HEATR5A: variants seen among roughly 807,000 people sequenced by gnomAD.
HEATR5A encodes the protein HEAT repeat containing 5A, also known as HEAT repeat-containing protein 5A.
Under a neutral mutation model 218.8 loss-of-function variants are expected in HEATR5A, and 178 were observed. The ratio of observed to expected loss-of-function variants is 0.81; its 90% confidence interval spans 0.72 to 0.92. The LOEUF (loss-of-function observed/expected upper bound fraction) is 0.92, where lower values mean the gene tolerates loss of function less well. Ranked by LOEUF, HEATR5A falls within the 40% of genes least tolerant of loss-of-function variation. The pLI is 0.00. For missense variants in HEATR5A, 2,420 were observed against 2,418.9 expected, an observed-to-expected ratio of 1.00 and a Z score of -0.01; for synonymous variants, 864 against 871.6, an observed-to-expected ratio of 0.99 and a Z score of 0.15.
At chr14:31,405,019 T>C (rs1566784473) in intron 1 of HEATR5A, among the ~76,000 whole-genome samples, 1 of 141,970 alleles carries the variant, frequency 7.0e-6, no homozygotes, top group Admixed American at 7.3e-5. Flanking sequence ...AGGCCAGGAA[T>C]TTGAGAGCAG....
chr14:31,389,336 G>A (rs1566779266), intron 6 of HEATR5A, among the ~76,000 whole-genome samples: 1 of 152,156 alleles, frequency 6.6e-6, no homozygotes, highest in Non-Finnish European at 1.5e-5. Flanking sequence ...CTCCACAAAT[G>A]AAAATGCTAT....
chr14:31,337,575 C>T lies in HEATR5A; in HGVS notation c.3268G>A (p.Val1090Ile), dbSNP rs200544620. 836 of 1,599,298 alleles carry T rather than the reference C, an allele frequency of 5.2e-4. 1 individual carries two copies. The highest frequency in any genetic ancestry group is 6.3e-4 in the Non-Finnish European group (739 of 1,172,666). The change falls in exon 22 of 36, where the codon GTA becomes ATA. Residue 1090 changes from valine (V) to isoleucine (I), a missense_variant. Val to Ile is a conservative substitution (Grantham distance 29). Transcript: ENST00000543095. Reference sequence around the variant, plus strand: ...ACAAGCTGACGTAAGCAAGCCAGTACTGCTCTTCTCAGTAACAAGTAGGGG... The same window carrying T: ...ACAAGCTGACGTAAGCAAGCCAGTATTGCTCTTCTCAGTAACAAGTAGGGG... ...CSPYLLLRRA[V>I]LACLRQLVQR...
chr14:31,351,696 C>T (rs72672649), intron 16 of HEATR5A, among the ~76,000 whole-genome samples: 2,009 of 152,106 alleles, frequency 0.013, 18 homozygotes, highest in Middle Eastern at 0.021. Context: ...ATTGCAGCCT[C>T]GACCTCCTGG....
intron 2 of HEATR5A, among the ~76,000 whole-genome samples, chr14:31,401,681 A>G (rs1218713207): frequency 1.3e-5 from 2 of 152,158 alleles, no homozygotes; most frequent in African/African-American, 4.8e-5. Flanking sequence ...ATGCATCACC[A>G]TGTCCAAATT....
At chr14:31,315,670 A>G (rs142141266) in intron 27 of HEATR5A, 100 bp downstream of exon 27, 1 of 796,648 alleles carries the variant, frequency 1.3e-6, no homozygotes, top group African/African-American at 1.7e-5. Context: ...TTAAAAATGA[A>G]CTTATTTGTA....
At position 31,304,996 on chromosome 14, in the gene HEATR5A, C is replaced by A. The variant is rs530344548; in HGVS notation, c.5148G>T (p.Thr1716=). ...KLTGSPGVKA[T]KPQILLEDGS... ...CATCTTCTAATAGTATCTGTGGCTT[C>A]GTAGCTTTTACTCCTGGGCTACCTG... Residue 1716 remains threonine, a synonymous_variant, in exon 32 of 36, where the codon ACG becomes ACT. Transcript: ENST00000543095. 9 of 1,613,928 alleles carry A rather than the reference C, an allele frequency of 5.6e-6. No homozygotes were observed. In the South Asian group the frequency reaches 6.6e-5, roughly 12 times the overall value.
intron 1 of HEATR5A, among the ~76,000 whole-genome samples, chr14:31,405,330 A>C (rs1053839304): frequency 1.3e-5 from 2 of 152,098 alleles, no homozygotes; most frequent in African/African-American, 4.8e-5. Context: ...GCTGATTGGG[A>C]GGTTGAGGCA....
intron 1 of HEATR5A, among the ~76,000 whole-genome samples, chr14:31,406,621 A>G (rs1043128976): frequency 1.3e-5 from 2 of 152,124 alleles, no homozygotes; most frequent in Non-Finnish European, 2.9e-5. Context: ...TAACCACAAC[A>G]TACTATGCTG....
rs1901415070 is a variant in HEATR5A, at chr14:31,356,038, C to T, written c.2411+2599G>A. On this transcript the variant is annotated intron_variant, in intron 16 of 35. Coordinates refer to ENST00000543095, the MANE Select transcript of HEATR5A (RefSeq NM_015473.4). ...ATACTTTAATTAAGACCTTTCTTCT[C>T]TAGAACTCAAATGTAAGGCCAAAAA... Among the ~76,000 whole-genome samples the T allele has an allele frequency of 2.0e-5, 3 of 152,156 alleles. No individual in the cohort carries two copies. The South Asian group carries it at 6.2e-4, about 32-fold the overall frequency.
At chr14:31,377,338 T>C (rs748178300) in intron 11 of HEATR5A, among the ~76,000 whole-genome samples, 1 of 152,048 alleles carries the variant, frequency 6.6e-6, no homozygotes, top group Non-Finnish European at 1.5e-5. Context: ...ATGAGACAAT[T>C]TGAGGATCGA....
At chr14:31,373,545 G>C (rs1352284321) in intron 12 of HEATR5A, among the ~76,000 whole-genome samples, 1 of 151,958 alleles carries the variant, frequency 6.6e-6, no homozygotes, top group Admixed American at 6.6e-5. Context: ...TGTCTGGGCT[G>C]GTCTCAAACT....
chr14:31,336,217 CATATATATATATATATATATAT>C (rs3033610), intron 22 of HEATR5A, among the ~76,000 whole-genome samples: 724 of 38,216 alleles, frequency 0.019, 48 homozygotes, highest in East Asian at 0.13. Flanking sequence ...TACATACATA[CATATATATATATATATATATAT>C]ATATATATAT....
At chr14:31,367,569 ATTTTTTTT>A (rs567217496) in intron 13 of HEATR5A, among the ~76,000 whole-genome samples, 18 of 60,296 alleles carry the variant, frequency 3.0e-4, no homozygotes, top group African/African-American at 4.5e-4. Context: ...TGCCCAGCTA[ATTTTTTTT>A]TTTTTTTTTT....
chr14:31,331,475 A>G (rs1283337554), intron 22 of HEATR5A, among the ~76,000 whole-genome samples: 1 of 152,196 alleles, frequency 6.6e-6, no homozygotes, highest in African/African-American at 2.4e-5. Flanking sequence ...ACAAGTCTCT[A>G]GAAGTTCCAG....
At chr14:31,335,383 C>T (rs548773503) in intron 22 of HEATR5A, among the ~76,000 whole-genome samples, 10 of 151,860 alleles carry the variant, frequency 6.6e-5, no homozygotes. Context: ...CAAGGTCTCA[C>T]TATATTGCTC....
chr14:31,365,489 T>C (rs1901767913), intron 13 of HEATR5A, among the ~76,000 whole-genome samples: 1 of 151,946 alleles, frequency 6.6e-6, no homozygotes, highest in African/African-American at 2.4e-5. Context: ...GCCTACTGAC[T>C]AGCTGGGACT....
chr14:31,366,076 T>A (rs1487829368), intron 13 of HEATR5A, among the ~76,000 whole-genome samples: 1 of 152,200 alleles, frequency 6.6e-6, no homozygotes, highest in Non-Finnish European at 1.5e-5. Flanking sequence ...ATTTAGTATC[T>A]TTCAGCTTGG....
Position 31,293,946 on chromosome 14 carries a change from G to A in HEATR5A, c.5778C>T (p.Phe1926=). Residue 1926 remains phenylalanine (F), a synonymous_variant, in exon 35 of 36, where the codon TTC becomes TTT. Coordinates refer to ENST00000543095, the MANE Select transcript of HEATR5A (RefSeq NM_015473.4). ...TTTCTAAGACCTTTATGCCTTCTTG[G>A]AAGATCTCAAGCTCAGCAGTGTTTT... ...KPENTAELEI[F]QEGIKVLETL... 1.9e-6 allele frequency: 3 copies of A among 1,608,150 alleles called. No homozygotes were observed. The highest frequency in any genetic ancestry group is 2.5e-6 in the Non-Finnish European group (3 of 1,177,134).
intron 16 of HEATR5A, among the ~76,000 whole-genome samples, chr14:31,355,426 A>G (rs184106287): frequency 1.4e-3 from 219 of 151,762 alleles, no homozygotes; most frequent in African/African-American, 4.1e-3. Flanking sequence ...ACAAAACAAA[A>G]CAAAAAATAA....
Sources: allele counts gnomAD v4.1 joint callset (sites outside exome capture counted in the v4.1 genomes callset), GRCh38; gene constraint gnomAD v4.1.1; transcripts MANE v1.5; gene names NCBI Gene and HGNC (gene_info 2026-07-23, HGNC 2026-07-21).